Variants in TECRL observed in about 807,000 individuals in gnomAD.
TECRL encodes the protein trans-2,3-enoyl-CoA reductase-like.
In TECRL, 63 loss-of-function variants were observed where a neutral mutation model predicts 52.8. The observed-to-expected ratio is 1.19, with a 90% CI of 0.97 to 1.47. The LOEUF (loss-of-function observed/expected upper bound fraction) is 1.47. TECRL is among the 40% of genes most tolerant of loss of function. TECRL has a pLI of 0.00. For missense variants in TECRL, 482 were observed against 429.6 expected (o/e 1.12, Z -1.08); for synonymous variants, 164 against 141.9 (o/e 1.16, Z -1.10).
intron 2 of TECRL, among the ~76,000 whole-genome samples, chr4:64,366,153 A>G (rs1457540858): frequency 6.6e-6 from 1 of 152,178 alleles, no homozygotes; most frequent in African/African-American, 2.4e-5. Context: ...CCCATTCAAT[A>G]AACGGCACAT....
At chr4:64,404,443 G>C (rs1356978770) in intron 1 of TECRL, among the ~76,000 whole-genome samples, 2 of 151,856 alleles carry the variant, frequency 1.3e-5, no homozygotes, top group African/African-American at 2.4e-5. Context: ...AACTGGAAAT[G>C]GTTCATTGTT....
At chr4:64,339,701 A>G (rs1024164640) in intron 2 of TECRL, among the ~76,000 whole-genome samples, 1 of 151,822 alleles carries the variant, frequency 6.6e-6, no homozygotes. Context: ...CTGCTCTGCA[A>G]CTCTTTCCCC....
intron 3 of TECRL, among the ~76,000 whole-genome samples, chr4:64,324,459 A>G (rs1162393158): frequency 2.6e-5 from 4 of 151,992 alleles, no homozygotes; most frequent in African/African-American, 7.2e-5. Flanking sequence ...TACATCATTA[A>G]AAGGCATCAT....
At chr4:64,328,124 T>C (rs1718385311) in intron 3 of TECRL, among the ~76,000 whole-genome samples, 1 of 151,984 alleles carries the variant, frequency 6.6e-6, no homozygotes, top group Non-Finnish European at 1.5e-5. Context: ...ATTAGTTTTG[T>C]TCCTTATGTC....
intron 1 of TECRL, among the ~76,000 whole-genome samples, chr4:64,385,622 G>A (rs1458787819): frequency 2.6e-5 from 4 of 152,240 alleles, no homozygotes; most frequent in Non-Finnish European, 4.4e-5. Flanking sequence ...CTCTAGGAAT[G>A]TGGAGATGCA....
At chr4:64,300,705 G>A (rs1723969607) in intron 7 of TECRL, among the ~76,000 whole-genome samples, 1 of 150,882 alleles carries the variant, frequency 6.6e-6, no homozygotes, top group Non-Finnish European at 1.5e-5. Context: ...ATGTGAGCAT[G>A]TAAATTGTAT....
chr4:64,284,899 G>A (rs1267054154), intron 9 of TECRL, among the ~76,000 whole-genome samples: 1 of 152,050 alleles, frequency 6.6e-6, no homozygotes, highest in African/African-American at 2.4e-5. Context: ...CTCACTGAGG[G>A]AAGAATAGTC....
chr4:64,330,860 C>T (rs1718588957), intron 2 of TECRL, among the ~76,000 whole-genome samples: 1 of 152,054 alleles, frequency 6.6e-6, no homozygotes, highest in African/African-American at 2.4e-5. Flanking sequence ...CTATTCTAAA[C>T]AAATACCACA....
chr4:64,361,176 C>A (rs1227332191), intron 2 of TECRL, among the ~76,000 whole-genome samples: 1 of 152,128 alleles, frequency 6.6e-6, no homozygotes, highest in Non-Finnish European at 1.5e-5. Context: ...CCAGCTGACC[C>A]TGACTATCCA....
intron 1 of TECRL, among the ~76,000 whole-genome samples, chr4:64,402,844 C>T (rs1049992191): frequency 2.0e-5 from 3 of 152,084 alleles, no homozygotes; most frequent in African/African-American, 4.8e-5. Context: ...AGTGAACTCA[C>T]GTGTCTTATC....
intron 2 of TECRL, among the ~76,000 whole-genome samples, chr4:64,342,770 T>C (rs188357550): frequency 1.5e-4 from 23 of 152,050 alleles, no homozygotes; most frequent in Non-Finnish European, 1.5e-4. Flanking sequence ...TACAAAAAAA[T>C]TATTAAGAAC....
Position 64,309,866 on chromosome 4 carries a change from T to A in TECRL, c.617A>T (p.Lys206Ile). 6.2e-7 allele frequency: 1 copy of A among 1,612,870 alleles called. No homozygotes were observed. Among genetic ancestry groups the A allele is most frequent in the Non-Finnish European group, 8.5e-7 (1 of 1,179,228 alleles). ...CAAAGGTGTGTGTCCTGCAGAAACTTTGTGAACAAATAAGGTTTCCAAAAG... is the reference window on the plus strand; with the variant it reads ...CAAAGGTGTGTGTCCTGCAGAAACTATGTGAACAAATAAGGTTTCCAAAAG... ...RYLLETLFVHKVSAGHTPLKN... is the reference protein window; with the variant it reads ...RYLLETLFVHIVSAGHTPLKN... Residue 206 changes from lysine to isoleucine, a missense_variant, in exon 6 of 12, where the codon AAA (lysine) becomes ATA (isoleucine). Coordinates refer to ENST00000381210, the MANE Select transcript of TECRL (RefSeq NM_001010874.5).
intron 7 of TECRL, 131 bp downstream of exon 7, chr4:64,305,035 G>T (rs1486142405): frequency 3.2e-6 from 2 of 621,556 alleles, no homozygotes; most frequent in Admixed American, 5.6e-5. Flanking sequence ...AACATTTAAA[G>T]AAATATGATA....
At chr4:64,317,794 G>T (rs1165497484) in intron 4 of TECRL, among the ~76,000 whole-genome samples, 1 of 152,122 alleles carries the variant, frequency 6.6e-6, no homozygotes, top group Non-Finnish European at 1.5e-5. Context: ...TCAGCCTTCA[G>T]AGATTTAATG....
At chr4:64,358,550 C>A (rs1720947455) in intron 2 of TECRL, among the ~76,000 whole-genome samples, 1 of 151,528 alleles carries the variant, frequency 6.6e-6, no homozygotes, top group Admixed American at 6.6e-5. Context: ...GATGGGTCAT[C>A]ATATTAATGA....
At chr4:64,395,131 G>A (rs1184961319) in intron 1 of TECRL, among the ~76,000 whole-genome samples, 1 of 151,758 alleles carries the variant, frequency 6.6e-6, no homozygotes, top group Non-Finnish European at 1.5e-5. Context: ...TGTTGGCCAG[G>A]CTGGTCTCAA....
chr4:64,285,776 T>C (rs1483337408), intron 9 of TECRL, among the ~76,000 whole-genome samples: 2 of 152,128 alleles, frequency 1.3e-5, no homozygotes, highest in Non-Finnish European at 2.9e-5. Flanking sequence ...GGTTGTCATC[T>C]TGGAAGACAT....
intron 9 of TECRL, among the ~76,000 whole-genome samples, chr4:64,283,887 C>T (rs543436266): frequency 7.7e-4 from 117 of 152,206 alleles, no homozygotes; most frequent in Middle Eastern, 3.4e-3. Context: ...GAAGGCACTA[C>T]ACTGCAAGAA....
At chr4:64,292,861 T>C (rs1235205360) in intron 8 of TECRL, among the ~76,000 whole-genome samples, 3 of 152,120 alleles carry the variant, frequency 2.0e-5, no homozygotes, top group Middle Eastern at 3.4e-3. Context: ...ATGTTCTTTT[T>C]CCCCATAATT....
Sources: allele counts gnomAD v4.1 joint callset (sites outside exome capture counted in the v4.1 genomes callset), GRCh38; gene constraint gnomAD v4.1.1; transcripts MANE v1.5; gene names NCBI Gene and HGNC (gene_info 2026-07-23, HGNC 2026-07-21).